Variants in TNKS observed in about 807,000 individuals in gnomAD.
TNKS encodes the protein poly [ADP-ribose] polymerase tankyrase-1.
A neutral mutation model predicts 135.8 loss-of-function variants in TNKS; 72 were observed. That is an observed-to-expected ratio of 0.53 (90% CI 0.44 to 0.64). TNKS has a LOEUF of 0.64. TNKS is among the 30% of genes least tolerant of loss of function. The pLI, the probability that TNKS is intolerant of heterozygous loss-of-function variation, is 0.00. For synonymous variants in TNKS, 849 were observed against 649.3 expected, an observed-to-expected ratio of 1.31 and a Z score of -4.68; for missense variants, 1,769 against 1,674.0, an observed-to-expected ratio of 1.06 and a Z score of -0.99.
chr8:9,715,370 G>T (rs1455943061), intron 11 of TNKS, among the ~76,000 whole-genome samples: 1 of 151,156 alleles, frequency 6.6e-6, no homozygotes, highest in Non-Finnish European at 1.5e-5. Flanking sequence ...AGGGGGGGCG[G>T]GTATGATCAT....
intron 2 of TNKS, among the ~76,000 whole-genome samples, chr8:9,597,668 A>G (rs1462272648): frequency 6.6e-6 from 1 of 152,234 alleles, no homozygotes; most frequent in Non-Finnish European, 1.5e-5. Flanking sequence ...TATTAAGTGT[A>G]TGAAATAATT....
intron 1 of TNKS, among the ~76,000 whole-genome samples, chr8:9,559,103 C>T (rs1797216934): frequency 6.6e-6 from 1 of 152,124 alleles, no homozygotes; most frequent in Non-Finnish European, 1.5e-5. Flanking sequence ...AATACTGACA[C>T]AATTGTGTAA....
At chr8:9,670,187 A>T (rs1802210921) in intron 3 of TNKS, 1 of 152,234 alleles carries the variant, frequency 6.6e-6, no homozygotes, top group East Asian at 1.9e-4. Context: ...AAAAATATGG[A>T]GGACACTTTG....
intron 2 of TNKS, among the ~76,000 whole-genome samples, chr8:9,586,730 TGTGTGTGTGTGTG>T (rs1798394163): frequency 2.5e-5 from 3 of 121,666 alleles, no homozygotes. Flanking sequence ...AACGTGTGTG[TGTGTGTGTGTGTG>T]TGTGTGTGTG....
intron 1 of TNKS, among the ~76,000 whole-genome samples, chr8:9,568,640 C>G (rs1290726168): frequency 6.6e-6 from 1 of 152,152 alleles, no homozygotes; most frequent in Non-Finnish European, 1.5e-5. Context: ...ACTTTAATGT[C>G]TGGCTTAAAA....
chr8:9,732,579 T>TA (rs35951542), intron 14 of TNKS, among the ~76,000 whole-genome samples: 17,125 of 129,812 alleles, frequency 0.13, 1,276 homozygotes, highest in East Asian at 0.25. Context: ...ATCCCAAAAC[T>TA]AAAAAAAAAA....
At chr8:9,654,426 T>C (rs1422230474) in intron 3 of TNKS, among the ~76,000 whole-genome samples, 3 of 152,218 alleles carry the variant, frequency 2.0e-5, no homozygotes, top group African/African-American at 7.2e-5. Context: ...CCTTTGCAAC[T>C]GAAAGGAGAT....
intron 22 of TNKS, among the ~76,000 whole-genome samples, chr8:9,764,146 T>C (rs1807296635): frequency 6.6e-6 from 1 of 152,104 alleles, no homozygotes; most frequent in South Asian, 2.1e-4. Context: ...GAGTTAATTC[T>C]CTGAGAAACT....
intron 16 of TNKS, 139 bp from the exon 17 acceptor site, chr8:9,735,238 C>A: frequency 9.4e-7 from 1 of 1,065,110 alleles, no homozygotes; most frequent in South Asian, 1.6e-5. Context: ...TTGTGAAGTC[C>A]CTCCATTATG....
chr8:9,769,739 C>G (rs757857821), intron 25 of TNKS, among the ~76,000 whole-genome samples: 1 of 151,466 alleles, frequency 6.6e-6, no homozygotes, highest in African/African-American at 2.4e-5. Flanking sequence ...CCTGCCTCAG[C>G]CTCCCAAGTA....
chr8:9,671,431 G>A (rs1802264760), intron 3 of TNKS, among the ~76,000 whole-genome samples: 1 of 152,152 alleles, frequency 6.6e-6, no homozygotes, highest in Admixed American at 6.5e-5. Context: ...CAATAAGAAG[G>A]ATCAAAGTAC....
At chr8:9,759,943 A>G (rs1007103830) in intron 20 of TNKS, among the ~76,000 whole-genome samples, 2 of 151,398 alleles carry the variant, frequency 1.3e-5, no homozygotes, top group Non-Finnish European at 2.9e-5. Flanking sequence ...GCGCCACTGC[A>G]CTCCAGCCGG....
At chr8:9,773,626 T>G (rs2128843917) in intron 26 of TNKS, among the ~76,000 whole-genome samples, 1 of 152,292 alleles carries the variant, frequency 6.6e-6, no homozygotes, top group Middle Eastern at 3.4e-3. Flanking sequence ...TGAAATTTAC[T>G]AATTAACCAT....
At chr8:9,752,903 T>G (rs1433369151) in intron 20 of TNKS, among the ~76,000 whole-genome samples, 1 of 150,732 alleles carries the variant, frequency 6.6e-6, no homozygotes, top group Non-Finnish European at 1.5e-5. Flanking sequence ...AGTTTGAAAC[T>G]GCAGTGAGCT....
chr8:9,605,060 G>A (rs1323492704), intron 2 of TNKS, among the ~76,000 whole-genome samples: 2 of 151,990 alleles, frequency 1.3e-5, no homozygotes, highest in South Asian at 2.1e-4. Context: ...TATATTTTGA[G>A]TATACATTTT....
At chr8:9,705,378 T>C (rs1241817761) in intron 6 of TNKS, among the ~76,000 whole-genome samples, 3 of 152,214 alleles carry the variant, frequency 2.0e-5, no homozygotes, top group African/African-American at 7.2e-5. Context: ...TTGCCCCACT[T>C]TAAGATCTGA....
intron 2 of TNKS, among the ~76,000 whole-genome samples, chr8:9,611,238 G>T (rs1799449931): frequency 1.3e-5 from 2 of 152,170 alleles, no homozygotes; most frequent in African/African-American, 4.8e-5. Flanking sequence ...GGAATTTGAG[G>T]TTTAATAATG....
At chr8:9,715,969 A>T (rs1804582285) in intron 11 of TNKS, among the ~76,000 whole-genome samples, 1 of 152,204 alleles carries the variant, frequency 6.6e-6, no homozygotes, top group African/African-American at 2.4e-5. Context: ...CATTATTAAG[A>T]AAACTTACGC....
rs575600706 is a variant in TNKS, at chr8:9,557,656, C to G, written c.673+1044C>G. On this transcript the variant is annotated intron_variant, in intron 1 of 26. Transcript: ENST00000310430. ...AATGAAAGGCATCACACAGAAACAT[C>G]AGAGATAACACACCAGAGATAACTT... 2.0e-5 allele frequency: 3 copies of G among 152,114 alleles called. No individual in the cohort carries two copies. In the East Asian group the frequency reaches 5.8e-4, roughly 29 times the overall value. The allele number at this position is 152,114 out of a possible 1,614,324, so 9.4% of individuals were successfully genotyped here. A position where few individuals can be genotyped will look rare whatever the true frequency, so the allele number is the denominator to read the frequency against.
Sources: allele counts gnomAD v4.1 joint callset (sites outside exome capture counted in the v4.1 genomes callset), GRCh38; gene constraint gnomAD v4.1.1; transcripts MANE v1.5; gene names NCBI Gene and HGNC (gene_info 2026-07-23, HGNC 2026-07-21).